Variants in TCFL5 observed in about 807,000 individuals in gnomAD.
TCFL5 encodes transcription factor-like 5 protein.
Under a neutral mutation model 44.3 loss-of-function variants are expected in TCFL5, and 9 were observed. That is an observed-to-expected ratio of 0.20 (90% CI 0.12 to 0.35). The LOEUF is 0.35. TCFL5 is among the 10% of genes least tolerant of loss of function. The pLI is 1.00. For missense variants in TCFL5, 603 were observed against 613.4 expected (o/e 0.98, Z 0.18); for synonymous variants, 319 against 271.6 (o/e 1.17, Z -1.72).
At position 62,861,248 on chromosome 20, in the gene TCFL5, C is replaced by T; in HGVS notation, c.423G>A (p.Glu141=). The change falls in exon 1 of 6, where the codon GAG becomes GAA. Residue 141 remains glutamate, a synonymous_variant. Coordinates refer to ENST00000335351, the MANE Select transcript of TCFL5 (RefSeq NM_006602.4). This position sits in a 1 kb window ranked among gnomAD's most constrained non-coding sequence, Gnocchi z 4.0. Reference sequence around the variant, plus strand: ...CTCCGTCCCCGCCGCCCGACGTCTTCTCCGCCGCGCCCGCCTCGCTTAGCA... The same window carrying T: ...CTCCGTCCCCGCCGCCCGACGTCTTTTCCGCCGCGCCCGCCTCGCTTAGCA... ...MMLLSEAGAA[E]KTSGGGDGAR... The T allele has an allele frequency of 1.7e-6, 2 of 1,192,618 alleles. No homozygotes were observed. The highest frequency in any genetic ancestry group is 2.1e-6 in the Non-Finnish European group (2 of 944,718). The allele number at this position is 1,192,618 out of a possible 1,614,324, so 73.9% of individuals were successfully genotyped here. A position where few individuals can be genotyped will look rare whatever the true frequency, so the allele number is the denominator to read the frequency against.
Position 62,857,349 on chromosome 20 carries a change from AG to A in TCFL5, c.1238+45del, listed in dbSNP as rs151257365. 7.2e-3 allele frequency: 11,540 copies of A among 1,602,290 alleles called. 630 individuals are homozygous for A. The African/African-American group carries it at 0.12, about 17-fold the overall frequency. ...CATCTGTGATAACCATGTATGACTA[AG>A]GTAATCATATATGAGTCAGCCTGAC... On this transcript the variant is annotated intron_variant, in intron 4 of 5. Transcript: ENST00000335351.
At chr20:62,859,653 C>G (rs2063955161) in intron 2 of TCFL5, 127 bp from the exon 3 acceptor site, 3 of 838,334 alleles carry the variant, frequency 3.6e-6, no homozygotes, top group African/African-American at 3.6e-5. Context: ...TTTAGTTGCA[C>G]TGAAGATTTA....
chr20:62,841,476 G>C lies in TCFL5; in HGVS notation c.*499C>G, dbSNP rs2063679631. ...AAATGGTCCTGCACGTTGCAATACA[G>C]CAGCACGTGACTCAGAGTCATGACA... On this transcript the variant is annotated 3_prime_UTR_variant, in exon 6 of 6. Transcript: ENST00000335351. The C allele has an allele frequency of 6.5e-6, 1 of 154,638 alleles. No homozygotes were observed. The highest frequency in any genetic ancestry group is 6.3e-5 in the Admixed American group (1 of 15,780). The allele number at this position is 154,638 out of a possible 1,614,324, so 9.6% of individuals were successfully genotyped here. A position where few individuals can be genotyped will look rare whatever the true frequency, so the allele number is the denominator to read the frequency against.
chr20:62,856,767 C>T (rs984655460), intron 4 of TCFL5, among the ~76,000 whole-genome samples: 1 of 149,050 alleles, frequency 6.7e-6, no homozygotes. Context: ...GGCTGGTAAG[C>T]AGCAGTTACC....
At position 62,842,219 on chromosome 20, in the gene TCFL5, G is replaced by A; in HGVS notation, c.1381-122C>T. On this transcript the variant is annotated intron_variant, in intron 5 of 5. Transcript: ENST00000335351. This position sits in a 1 kb window ranked among gnomAD's most constrained non-coding sequence, Gnocchi z 4.3. ...TGACTTTAGAATACGCTGTTTTAAG[G>A]TGTCATTCACAAACTTGTGTCTTAC... 1 of 1,273,974 alleles carries A rather than the reference G, an allele frequency of 7.8e-7. No individual in the cohort carries two copies. Among genetic ancestry groups the A allele is most frequent in the Non-Finnish European group, 1.1e-6 (1 of 928,754 alleles). 78.9% of individuals were successfully genotyped at this position (1,273,974 alleles called of 1,614,324 possible).
chr20:62,854,219 A>G, intron 4 of TCFL5, 62 bp from the exon 5 acceptor site: 2 of 1,590,820 alleles, frequency 1.3e-6, no homozygotes, highest in Admixed American at 3.6e-5. Context: ...ATGTAAAAGG[A>G]AGCGTCTCCT....
intron 4 of TCFL5, among the ~76,000 whole-genome samples, chr20:62,856,150 T>G (rs1054795079): frequency 3.4e-5 from 5 of 146,004 alleles, no homozygotes; most frequent in African/African-American, 1.3e-4. Context: ...CTGGGGAGGC[T>G]GAGGCAGAAG....
chr20:62,852,647 T>C (rs2063826184), intron 5 of TCFL5: 2 of 974,820 alleles, frequency 2.1e-6, no homozygotes, highest in Non-Finnish European at 2.4e-6. Flanking sequence ...CACAGAAGTA[T>C]ATTCACCCGG....
chr20:62,846,687 G>A (rs2147250602), intron 5 of TCFL5, among the ~76,000 whole-genome samples: 1 of 149,464 alleles, frequency 6.7e-6, no homozygotes, highest in East Asian at 2.0e-4. Flanking sequence ...GAGCACCTGA[G>A]CCCAAGAGGA....
At chr20:62,856,685 G>T (rs564402105) in intron 4 of TCFL5, among the ~76,000 whole-genome samples, 11 of 122,514 alleles carry the variant, frequency 9.0e-5, no homozygotes, top group African/African-American at 3.4e-4. Flanking sequence ...CAGCCTGGGC[G>T]ACAGAGCAAG....
At position 62,842,157 on chromosome 20, in the gene TCFL5, C is replaced by T. The variant is rs2063686446; in HGVS notation, c.1381-60G>A. The T allele has an allele frequency of 2.5e-6, 4 of 1,604,150 alleles. No individual in the cohort carries two copies. Among genetic ancestry groups the T allele is most frequent in the Non-Finnish European group, 3.4e-6 (4 of 1,174,318 alleles). On this transcript the variant is annotated intron_variant, in intron 5 of 5. Transcript: ENST00000335351. This position sits in a 1 kb window ranked among gnomAD's most constrained non-coding sequence, Gnocchi z 4.3. ...TAACTGACATGAAAACTGCTGTCTT[C>T]CAAAGTGCAAAAGGTTCAAATTAAG...
rs998101185 is a variant in TCFL5 at position 62,852,523 on chromosome 20, G to A, written c.1380+1493C>T. On this transcript the variant is annotated intron_variant, in intron 5 of 5. Coordinates refer to ENST00000335351, the MANE Select transcript of TCFL5 (RefSeq NM_006602.4). ...ACGTCTAGTTCCAGCCAACCACGAT[G>A]GCTTGCTGCAGGCCACTGCCACGAC... 3 of 985,366 alleles carry A rather than the reference G, an allele frequency of 3.0e-6. No homozygotes were observed. The African/African-American group carries it at 5.2e-5, about 17-fold the overall frequency. The allele number at this position is 985,366 out of a possible 1,614,324, so 61.0% of individuals were successfully genotyped here.
In TCFL5 at chr20:62,858,951, C is replaced by G. The variant is rs571433719; in HGVS notation, c.994+413G>C. Among the ~76,000 whole-genome samples the G allele has an allele frequency of 2.3e-3, 319 of 140,530 alleles. 6 individuals carry two copies. The highest frequency in any genetic ancestry group is 3.7e-4 in the Non-Finnish European group (23 of 62,474). The allele number at this position is 140,530 out of a possible 152,430, so 92.2% of individuals were successfully genotyped here. A position where few individuals can be genotyped will look rare whatever the true frequency, so the allele number is the denominator to read the frequency against. The stretch of plus-strand genomic sequence containing the variant: ...GAATCACCTTACAGCCTCTCCCTGG[C>G]AGCCCTAATAGGGTCCTCCTATTAG... On this transcript the variant is annotated intron_variant, in intron 3 of 5. Coordinates refer to ENST00000335351, the MANE Select transcript of TCFL5 (RefSeq NM_006602.4).
chr20:62,851,666 A>C (rs1272077388), intron 5 of TCFL5: 2 of 985,352 alleles, frequency 2.0e-6, no homozygotes. Context: ...AACTTAAATT[A>C]TGCAACTCGC....
At chr20:62,854,197 A>G in intron 4 of TCFL5, 40 bp from the exon 5 acceptor site, 1 of 1,606,622 alleles carries the variant, frequency 6.2e-7, no homozygotes, top group African/African-American at 1.3e-5. Context: ...GAGAGACCGG[A>G]GCAAAACAAA....
chr20:62,852,644 G>T (rs1010936040), intron 5 of TCFL5: 1 of 974,764 alleles, frequency 1.0e-6, no homozygotes, highest in East Asian at 1.2e-4. Context: ...GTCCACAGAA[G>T]TATATTCACC....
chr20:62,848,652 C>T (rs982871976), intron 5 of TCFL5, among the ~76,000 whole-genome samples: 29 of 151,712 alleles, frequency 1.9e-4, no homozygotes, highest in African/African-American at 5.8e-4. Context: ...GCAGGAGAAT[C>T]GCTTGAATCC....
chr20:62,845,663 C>A, intron 5 of TCFL5: 4 of 1,606,320 alleles, frequency 2.5e-6, no homozygotes, highest in Non-Finnish European at 3.4e-6. Context: ...CCCCGCTGAC[C>A]ATGGCAGTAT....
chr20:62,856,972 G>A (rs1039251439), intron 4 of TCFL5, among the ~76,000 whole-genome samples: 2 of 152,192 alleles, frequency 1.3e-5, no homozygotes, highest in Admixed American at 1.3e-4. Context: ...GTGCCTACGT[G>A]ACACGCCCCT....
Sources: allele counts gnomAD v4.1 joint callset (sites outside exome capture counted in the v4.1 genomes callset), GRCh38; gene constraint gnomAD v4.1.1; non-coding constraint Gnocchi (gnomAD v3.1); transcripts MANE v1.5; gene names NCBI Gene and HGNC (gene_info 2026-07-23, HGNC 2026-07-21).